SYT16: variants seen among roughly 807,000 people sequenced by gnomAD.
SYT16 encodes the protein synaptotagmin 16.
Under a neutral mutation model 61.4 loss-of-function variants are expected in SYT16, and 42 were observed. The observed-to-expected ratio is 0.68, with a 90% confidence interval of 0.53 to 0.89. The LOEUF (loss-of-function observed/expected upper bound fraction) is 0.89, where lower values mean the gene tolerates loss of function less well. SYT16 is among the 40% of genes least tolerant of loss of function. The pLI is 0.00. For synonymous variants in SYT16, 314 were observed against 302.3 expected (o/e 1.04, Z -0.40); for missense variants, 804 against 807.3 (o/e 1.00, Z 0.05).
At chr14:61,906,743 A>ATCCATCCT (rs1555355229) in intron 1 of SYT16, among the ~76,000 whole-genome samples, 45,865 of 149,204 alleles carry the variant, frequency 0.31, 7,662 homozygotes, top group African/African-American at 0.4. Context: ...CCATCCATCC[A>ATCCATCCT]TCCATCCTTC....
chr14:61,917,771 C>T (rs2049175691), intron 1 of SYT16, among the ~76,000 whole-genome samples: 1 of 151,914 alleles, frequency 6.6e-6, no homozygotes, highest in Non-Finnish European at 1.5e-5. Flanking sequence ...GTTAAGTATC[C>T]CTTATCTGAA....
chr14:61,982,045 A>G (rs1214780233), intron 2 of SYT16, among the ~76,000 whole-genome samples: 3 of 152,192 alleles, frequency 2.0e-5, no homozygotes. Context: ...CACTTTACCA[A>G]TGACTGTGTA....
intron 1 of SYT16, among the ~76,000 whole-genome samples, chr14:61,892,390 C>A (rs1157916610): frequency 6.6e-6 from 1 of 152,146 alleles, no homozygotes; most frequent in East Asian, 1.9e-4. Flanking sequence ...TTTGTCCCCA[C>A]TGCTCCCCTG....
intron 1 of SYT16, among the ~76,000 whole-genome samples, chr14:61,959,592 A>G (rs1252327321): frequency 1.3e-5 from 2 of 152,042 alleles, no homozygotes; most frequent in Non-Finnish European, 1.5e-5. Flanking sequence ...TTTATGAACA[A>G]ATTTCTGTGG....
chr14:61,898,041 T>A (rs187881093), intron 1 of SYT16, among the ~76,000 whole-genome samples: 2 of 152,192 alleles, frequency 1.3e-5, no homozygotes, highest in Non-Finnish European at 2.9e-5. Flanking sequence ...ATGACTAGAT[T>A]AATATTCTGG....
chr14:61,900,260 G>A (rs1290785983), intron 1 of SYT16, among the ~76,000 whole-genome samples: 3 of 151,004 alleles, frequency 2.0e-5, no homozygotes. Context: ...CCAGGTTCAA[G>A]TGATTCTCCT....
intron 1 of SYT16, among the ~76,000 whole-genome samples, chr14:61,830,709 G>A (rs1020682613): frequency 6.6e-6 from 1 of 152,160 alleles, no homozygotes; most frequent in Non-Finnish European, 1.5e-5. Flanking sequence ...GTAAGTGCAG[G>A]GTGGTAGAGT....
intron 1 of SYT16, among the ~76,000 whole-genome samples, chr14:61,888,693 A>T (rs1195784584): frequency 6.6e-6 from 1 of 152,182 alleles, no homozygotes; most frequent in Non-Finnish European, 1.5e-5. Context: ...CAGAGACACA[A>T]AGTGAGGCAT....
chr14:62,000,182 ACT>A (rs751855031), intron 3 of SYT16, among the ~76,000 whole-genome samples: 3 of 117,900 alleles, frequency 2.5e-5, no homozygotes, highest in African/African-American at 1.0e-4. Flanking sequence ...GAAGTCTGTA[ACT>A]CTGTGGATTT....
intron 3 of SYT16, among the ~76,000 whole-genome samples, chr14:62,013,731 C>T (rs2053555658): frequency 6.6e-6 from 1 of 152,030 alleles, no homozygotes; most frequent in East Asian, 1.9e-4. Flanking sequence ...GTTGGGAGAC[C>T]GAGGCAGGCA....
At chr14:61,815,702 A>G (rs1317773081) in intron 1 of SYT16, among the ~76,000 whole-genome samples, 1 of 152,230 alleles carries the variant, frequency 6.6e-6, no homozygotes, top group African/African-American at 2.4e-5. Context: ...TCAGTAAGTT[A>G]TCATGAAATC....
At chr14:61,976,370 G>A in intron 2 of SYT16, among the ~76,000 whole-genome samples, 1 of 152,236 alleles carries the variant, frequency 6.6e-6, no homozygotes, top group Non-Finnish European at 1.5e-5. Flanking sequence ...TAGTGCCCCA[G>A]TGGGGACCCT....
At chr14:61,994,258 A>G (rs767857273) in intron 2 of SYT16, among the ~76,000 whole-genome samples, 60 of 152,166 alleles carry the variant, frequency 3.9e-4, no homozygotes, top group South Asian at 6.2e-4. Context: ...CTAGGTTTGG[A>G]TGAGCTGAAT....
At chr14:61,895,973 G>C (rs1324930715) in intron 1 of SYT16, among the ~76,000 whole-genome samples, 1 of 152,144 alleles carries the variant, frequency 6.6e-6, no homozygotes, top group Non-Finnish European at 1.5e-5. Context: ...TGTGGTTCAT[G>C]ATTGCCCTCT....
At chr14:62,017,452 CA>C (rs940830788) in intron 3 of SYT16, among the ~76,000 whole-genome samples, 11 of 152,184 alleles carry the variant, frequency 7.2e-5, no homozygotes, top group Non-Finnish European at 1.0e-4. Flanking sequence ...ACAGATACCT[CA>C]AAATTAGTGT....
chr14:61,880,300 G>A (rs936165122), intron 1 of SYT16, among the ~76,000 whole-genome samples: 2 of 152,178 alleles, frequency 1.3e-5, no homozygotes, highest in Admixed American at 6.5e-5. Context: ...GGTATGGGGG[G>A]TCTGTTTCTG....
At chr14:61,904,924 A>G (rs2048648176) in intron 1 of SYT16, among the ~76,000 whole-genome samples, 1 of 152,230 alleles carries the variant, frequency 6.6e-6, no homozygotes, top group South Asian at 2.1e-4. Context: ...GCGGGAGATC[A>G]TTAAGATTCA....
At chr14:61,826,846 G>A (rs1054814247) in intron 1 of SYT16, among the ~76,000 whole-genome samples, 1 of 152,076 alleles carries the variant, frequency 6.6e-6, no homozygotes, top group Admixed American at 6.5e-5. Context: ...GGTGTTTGCT[G>A]AGGCCAAACA....
intron 1 of SYT16, among the ~76,000 whole-genome samples, chr14:61,892,331 C>A (rs562373132): frequency 1.1e-4 from 16 of 152,258 alleles, no homozygotes; most frequent in African/African-American, 3.9e-4. Context: ...CTCGCCCCGT[C>A]TGCCTCCTCT....
Sources: allele counts gnomAD v4.1 joint callset (sites outside exome capture counted in the v4.1 genomes callset), GRCh38; gene constraint gnomAD v4.1.1; transcripts MANE v1.5; gene names NCBI Gene and HGNC (gene_info 2026-07-23, HGNC 2026-07-21).